Variants in PSMC2 observed in about 807,000 individuals in gnomAD.
The protein encoded by PSMC2 is proteasome 26S subunit, ATPase 2, also known as 26S proteasome regulatory subunit 7.
In PSMC2, 7 loss-of-function variants were observed where a neutral mutation model predicts 53.3. The observed-to-expected ratio is 0.13, with a 90% CI of 0.07 to 0.25. PSMC2 has a LOEUF of 0.25. PSMC2 is among the 10% of genes least tolerant of loss of function. The pLI is 1.00. For missense variants in PSMC2, 241 were observed against 544.0 expected (o/e 0.44, Z 5.54); for synonymous variants, 169 against 183.9 (o/e 0.92, Z 0.66).
chr7:103,348,622 TG>T, intron 1 of PSMC2: 1 of 1,220,328 alleles, frequency 8.2e-7, no homozygotes, highest in Non-Finnish European at 1.2e-6. Flanking sequence ...GAAGCTATGC[TG>T]GAGCCACCCG....
chr7:103,358,740 ATCTAGG>A (rs2116190110), intron 4 of PSMC2, among the ~76,000 whole-genome samples: 1 of 152,230 alleles, frequency 6.6e-6, no homozygotes, highest in South Asian at 2.1e-4. Flanking sequence ...AAATTAAAAA[ATCTAGG>A]TACATTTTTC....
chr7:103,360,116 T>G (rs971263557), intron 4 of PSMC2, among the ~76,000 whole-genome samples: 5 of 151,762 alleles, frequency 3.3e-5, no homozygotes, highest in African/African-American at 1.2e-4. Context: ...AACACCAACA[T>G]CTAGGCTTCT....
chr7:103,351,841 G>C (rs76134330), intron 1 of PSMC2, among the ~76,000 whole-genome samples: 9,747 of 151,968 alleles, frequency 0.064, 477 homozygotes, highest in African/African-American at 0.14. Context: ...ATCCTCTCCC[G>C]TCAGCTTCTC....
chr7:103,347,578 C>G (rs1819629536), upstream of PSMC2: 7 of 978,016 alleles, frequency 7.2e-6, no homozygotes, highest in African/African-American at 3.2e-5. Flanking sequence ...TCTGTCCGGA[C>G]TCTGAAGCAC....
chr7:103,349,367 T>C (rs930594722), intron 1 of PSMC2, among the ~76,000 whole-genome samples: 1 of 152,244 alleles, frequency 6.6e-6, no homozygotes, highest in African/African-American at 2.4e-5. Context: ...GGGTTTGTTC[T>C]TCTGTAAAAA....
chr7:103,361,805 G>C, intron 4 of PSMC2, 152 bp from the exon 5 acceptor site: 1 of 657,680 alleles, frequency 1.5e-6, no homozygotes, highest in Non-Finnish European at 2.3e-6. Context: ...GACCTTTGGA[G>C]TTGGGTATAG....
intron 4 of PSMC2, among the ~76,000 whole-genome samples, chr7:103,359,138 C>CTTTTTTTT (rs35936603): frequency 9.6e-5 from 3 of 31,334 alleles, no homozygotes; most frequent in Admixed American, 6.6e-4. Context: ...CCATGTCTGG[C>CTTTTTTTT]TTTTTTTTTT....
At chr7:103,358,642 CTCTTA>C (rs969879080) in intron 4 of PSMC2, among the ~76,000 whole-genome samples, 3 of 151,700 alleles carry the variant, frequency 2.0e-5, no homozygotes, top group Non-Finnish European at 2.9e-5. Flanking sequence ...TATTTCAAGG[CTCTTA>C]TCTTTATTCT....
intron 5 of PSMC2, chr7:103,362,399 A>C (rs1820462801): frequency 7.5e-7 from 1 of 1,337,928 alleles, no homozygotes; most frequent in Non-Finnish European, 9.5e-7. Context: ...TTGTGATGCT[A>C]AGTGTGTTAA....
intron 4 of PSMC2, among the ~76,000 whole-genome samples, chr7:103,357,886 C>A (rs909865163): frequency 2.6e-5 from 4 of 152,128 alleles, no homozygotes; most frequent in South Asian, 2.1e-4. Context: ...CTCAGTTATA[C>A]CTTAGTTGCA....
intron 4 of PSMC2, among the ~76,000 whole-genome samples, chr7:103,358,799 A>G (rs890035244): frequency 3.9e-5 from 6 of 152,154 alleles, no homozygotes; most frequent in African/African-American, 1.4e-4. Flanking sequence ...TAAAGCAGTT[A>G]GAGGGAAACT....
Position 103,347,721 on chromosome 7 carries a change from T to C in PSMC2, c.10T>C (p.Tyr4His). ...TTTTGGAGCTGCTAAAATGCCGGAT[T>C]ACCTCGGTGCCGATCAGCGGAAGAC... MPDYLGADQRKTKE... is the reference protein window; with the variant it reads MPDHLGADQRKTKE... The change falls in exon 1 of 12, where the codon TAC becomes CAC. Residue 4 changes from tyrosine to histidine, a missense_variant. This residue lies in a region of PSMC2 where 70 missense variants were observed against 57.9 expected (regional missense o/e 1.21). Coordinates refer to ENST00000292644, the MANE Select transcript of PSMC2 (RefSeq NM_002803.4). 1 of 1,613,920 alleles carries C rather than the reference T, an allele frequency of 6.2e-7. No individual in the cohort carries two copies.
In PSMC2 at chr7:103,355,678, A is replaced by C. The variant is rs764475256; in HGVS notation, c.191-16A>C. 3 of 1,596,230 alleles carry C rather than the reference A, an allele frequency of 1.9e-6. No homozygotes were observed. The African/African-American group carries it at 4.0e-5, about 21-fold the overall frequency. ...GCATTACATTTTAGTAAATTTTGTCATCTTTCTCTATGTAGGTATTAAAGA... is the reference window on the plus strand; with the variant it reads ...GCATTACATTTTAGTAAATTTTGTCCTCTTTCTCTATGTAGGTATTAAAGA... On this transcript the variant is annotated splice_polypyrimidine_tract_variant and intron_variant, in intron 3 of 11. Transcript: ENST00000292644.
chr7:103,351,982 A>G (rs1819753405), intron 1 of PSMC2, among the ~76,000 whole-genome samples: 1 of 151,812 alleles, frequency 6.6e-6, no homozygotes, highest in Non-Finnish European at 1.5e-5. Flanking sequence ...CCTCACTCCA[A>G]TTTGTTCTTC....
intron 8 of PSMC2, among the ~76,000 whole-genome samples, 187 bp downstream of exon 8, chr7:103,364,494 T>C (rs904653938): frequency 2.0e-5 from 3 of 152,198 alleles, no homozygotes; most frequent in Admixed American, 2.0e-4. Context: ...CTGCAGTCTC[T>C]ACCTCTCTGG....
intron 3 of PSMC2, 70 bp downstream of exon 3, chr7:103,355,019 C>A: frequency 1.0e-6 from 1 of 981,364 alleles, no homozygotes; most frequent in Non-Finnish European, 1.6e-6. Context: ...AGTTTAAATA[C>A]AGATTTTACT....
chr7:103,353,851 CTA>C, intron 1 of PSMC2, 68 bp from the exon 2 acceptor site: 1 of 1,315,186 alleles, frequency 7.6e-7, no homozygotes, highest in Non-Finnish European at 1.1e-6. Flanking sequence ...AAAAAAAGCT[CTA>C]GTTTCTTTTT....
chr7:103,369,187 T>C lies in PSMC2; in HGVS notation c.*1133T>C, dbSNP rs923711112. 6.6e-6 allele frequency: 1 copy of C among 152,250 alleles called. No homozygotes were observed. Among genetic ancestry groups the C allele is most frequent in the Non-Finnish European group, 1.5e-5 (1 of 68,050 alleles). 9.4% of individuals were successfully genotyped at this position (152,250 alleles called of 1,614,324 possible). ...CAAGTAAAGAAATTAAAGCCTTTTA[T>C]AAAATCCAACCAACATTCTTGATTT... On this transcript the variant is annotated 3_prime_UTR_variant, in exon 12 of 12. Coordinates refer to ENST00000292644, the MANE Select transcript of PSMC2 (RefSeq NM_002803.4).
At chr7:103,360,882 C>T (rs1820348169) in intron 4 of PSMC2, among the ~76,000 whole-genome samples, 2 of 152,022 alleles carry the variant, frequency 1.3e-5, no homozygotes, top group South Asian at 4.1e-4. Flanking sequence ...GAGGCCGAAG[C>T]AGGTGGATCA....
Sources: allele counts gnomAD v4.1 joint callset (sites outside exome capture counted in the v4.1 genomes callset), GRCh38; gene constraint gnomAD v4.1.1; regional missense constraint gnomAD v4.1.1; transcripts MANE v1.5; gene names NCBI Gene and HGNC (gene_info 2026-07-23, HGNC 2026-07-21).